The following KDM5A variants were observed in gnomAD, a reference collection of about 807,000 sequenced individuals.
KDM5A encodes lysine demethylase 5A.
In KDM5A, 42 loss-of-function variants were observed where a neutral mutation model predicts 193.5. That is an observed-to-expected ratio of 0.22 (90% confidence interval 0.17 to 0.28). KDM5A has a LOEUF of 0.28. Among genes scored for constraint, KDM5A ranks in the 10% least tolerant of loss-of-function variants. KDM5A has a pLI of 1.00. For missense variants in KDM5A, 1,692 were observed against 2,055.1 expected (o/e 0.82, Z 3.42); for synonymous variants, 796 against 718.1 (o/e 1.11, Z -1.73).
rs116182490 is a variant in KDM5A, at chr12:329,325, G to A, written c.1774-296C>T. ...AGGAGTTCTTTGGTATATAACTGAGGCAGCAAACTCTTTTAGACCAGTTTA... is the reference window on the plus strand; with the variant it reads ...AGGAGTTCTTTGGTATATAACTGAGACAGCAAACTCTTTTAGACCAGTTTA... On this transcript the variant is annotated intron_variant, in intron 13 of 27. Transcript: ENST00000399788. Among the ~76,000 whole-genome samples, 454 of 152,096 alleles carry A rather than the reference G, an allele frequency of 3.0e-3. 1 individual carries two copies. The highest frequency in any genetic ancestry group is 0.01 in the African/African-American group (433 of 41,498).
intron 19 of KDM5A, among the ~76,000 whole-genome samples, chr12:316,284 T>TTCTC (rs377514603): frequency 3.0e-4 from 45 of 151,382 alleles, no homozygotes; most frequent in African/African-American, 1.1e-3. Context: ...ATTCATTTAT[T>TTCTC]TCTCTCTCTC....
chr12:383,995 C>G (rs769959724), intron 3 of KDM5A, 36 bp downstream of exon 3: 1 of 1,605,918 alleles, frequency 6.2e-7, no homozygotes, highest in Admixed American at 1.7e-5. Flanking sequence ...AATTCACAAG[C>G]CTGTGCTCTA....
chr12:325,492 G>GGCC (rs78813329), intron 14 of KDM5A, among the ~76,000 whole-genome samples: 3 of 151,630 alleles, frequency 2.0e-5, no homozygotes, highest in African/African-American at 7.3e-5. Context: ...AGACCAGCTT[G>GGCC]ATGGTGAAAC....
At chr12:376,939 A>G (rs973189901) in intron 3 of KDM5A, among the ~76,000 whole-genome samples, 8 of 152,244 alleles carry the variant, frequency 5.3e-5, no homozygotes, top group African/African-American at 1.9e-4. Context: ...TACAAGTTTA[A>G]GTGCCTTACA....
intron 24 of KDM5A, among the ~76,000 whole-genome samples, chr12:305,345 A>G (rs1027583449): frequency 2.6e-5 from 4 of 152,234 alleles, no homozygotes; most frequent in Non-Finnish European, 5.9e-5. Context: ...TTTAAGTCAC[A>G]TAACTGAAAA....
At chr12:341,676 C>T (rs928018470) in intron 10 of KDM5A, among the ~76,000 whole-genome samples, 2 of 152,006 alleles carry the variant, frequency 1.3e-5, no homozygotes, top group Non-Finnish European at 2.9e-5. Context: ...CCAAGGTGAG[C>T]GAATCACGAG....
chr12:370,605 CAG>C (rs1281469087), intron 3 of KDM5A, among the ~76,000 whole-genome samples: 6 of 100,576 alleles, frequency 6.0e-5, no homozygotes, highest in African/African-American at 1.6e-4. Context: ...CAGCTGGGAA[CAG>C]AGACTTTTTT....
intron 5 of KDM5A, among the ~76,000 whole-genome samples, chr12:359,754 A>AAGG (rs1944271657): frequency 1.2e-5 from 1 of 84,950 alleles, no homozygotes; most frequent in Non-Finnish European, 2.2e-5. Context: ...AAAAAAAAAA[A>AAGG]GGGTGGGGGG....
At chr12:377,381 A>G (rs1944519980) in intron 3 of KDM5A, among the ~76,000 whole-genome samples, 1 of 152,190 alleles carries the variant, frequency 6.6e-6, no homozygotes, top group Non-Finnish European at 1.5e-5. Flanking sequence ...CAGATTAGAA[A>G]GGTTATTGAG....
At chr12:287,548 T>G (rs1943235406) in intron 27 of KDM5A, among the ~76,000 whole-genome samples, 1 of 149,856 alleles carries the variant, frequency 6.7e-6, no homozygotes, top group African/African-American at 2.4e-5. Context: ...ATGTAAAAAT[T>G]AAAGTACTGC....
At chr12:383,675 CT>C (rs1944604234) in intron 3 of KDM5A, among the ~76,000 whole-genome samples, 1 of 151,900 alleles carries the variant, frequency 6.6e-6, no homozygotes, top group Non-Finnish European at 1.5e-5. Flanking sequence ...AAATATTGAT[CT>C]CAACAAATAT....
rs1305588870 is a variant in KDM5A at position 352,282 on chromosome 12, C to T, written c.1072G>A (p.Val358Ile). 3 of 1,612,522 alleles carry T rather than the reference C, an allele frequency of 1.9e-6. No individual in the cohort carries two copies. The highest frequency in any genetic ancestry group is 2.5e-6 in the Non-Finnish European group (3 of 1,178,732). ...PREAFGFEQA[V>I]REYTLQSFGE... ...AAGCTCTGAAGTGTATACTCTCGTA[C>T]AGCTTGTTCAAATCCAAAGGCTTCT... The change falls in exon 9 of 28, where the codon GTA becomes ATA. Residue 358 changes from valine (V) to isoleucine (I), a missense_variant. Coordinates refer to ENST00000399788, the MANE Select transcript of KDM5A (RefSeq NM_001042603.3).
At chr12:316,303 A>AGAAC (rs1161861222) in intron 19 of KDM5A, among the ~76,000 whole-genome samples, 1 of 152,210 alleles carries the variant, frequency 6.6e-6, no homozygotes, top group Admixed American at 6.5e-5. Context: ...TCTCTCTACT[A>AGAAC]GAACGGTAGC....
chr12:322,700 G>A (rs1943733435), intron 16 of KDM5A, 133 bp from the exon 17 acceptor site: 1 of 770,772 alleles, frequency 1.3e-6, no homozygotes, highest in Admixed American at 2.3e-5. Context: ...GAAACAAACA[G>A]CTGTGAAAAT....
chr12:295,955 A>G, intron 25 of KDM5A, 162 bp from the exon 26 acceptor site: 1 of 681,248 alleles, frequency 1.5e-6, no homozygotes, highest in Non-Finnish European at 2.5e-6. Context: ...ATTAGAAACA[A>G]ATACAGACCA....
intron 4 of KDM5A, among the ~76,000 whole-genome samples, chr12:365,632 G>A (rs1944348669): frequency 6.6e-6 from 1 of 152,160 alleles, no homozygotes; most frequent in African/African-American, 2.4e-5. Flanking sequence ...CACAAAGGGT[G>A]AATTCTATGG....
intron 24 of KDM5A, 120 bp downstream of exon 24, chr12:306,826 T>TA (rs1435735486): frequency 2.0e-6 from 2 of 999,328 alleles, no homozygotes; most frequent in African/African-American, 3.2e-5. Flanking sequence ...TCAGAACAGA[T>TA]AAATGATTAG....
At chr12:287,612 G>A (rs1943236377) in intron 27 of KDM5A, among the ~76,000 whole-genome samples, 1 of 152,118 alleles carries the variant, frequency 6.6e-6, no homozygotes, top group Non-Finnish European at 1.5e-5. Flanking sequence ...CAGAGTGAGT[G>A]TTTTGGCTGT....
At chr12:351,869 C>T (rs1049129394) in intron 9 of KDM5A, among the ~76,000 whole-genome samples, 4 of 151,772 alleles carry the variant, frequency 2.6e-5, no homozygotes, top group South Asian at 2.1e-4. Flanking sequence ...TTTGGGAGGC[C>T]GAGGCGAGTG....
Sources: allele counts gnomAD v4.1 joint callset (sites outside exome capture counted in the v4.1 genomes callset), GRCh38; gene constraint gnomAD v4.1.1; transcripts MANE v1.5; gene names NCBI Gene and HGNC (gene_info 2026-07-23, HGNC 2026-07-21).